The following TXNDC8 variants were observed in gnomAD, a reference collection of about 807,000 sequenced individuals.
TXNDC8 encodes thioredoxin domain containing 8, also known as thioredoxin domain-containing protein 8.
In TXNDC8, 15 loss-of-function variants were observed where a neutral mutation model predicts 12.9. The observed-to-expected ratio is 1.16, with a 90% CI of 0.78 to 1.79. The LOEUF is 1.79. TXNDC8 is among the 40% of genes most tolerant of loss of function. The pLI is 0.00. For synonymous variants in TXNDC8, 40 were observed against 35.4 expected (o/e 1.13, Z -0.46); for missense variants, 128 against 113.2 (o/e 1.13, Z -0.59).
At chr9:110,302,046 G>T (rs1838281217), downstream of TXNDC8, among the ~76,000 whole-genome samples, 1 of 151,946 alleles carries the variant, frequency 6.6e-6, no homozygotes, top group Non-Finnish European at 1.5e-5. Flanking sequence ...CTGGAGTGCA[G>T]TGGCATGATC....
intron 1 of TXNDC8, among the ~76,000 whole-genome samples, chr9:110,335,420 A>G (rs1271064738): frequency 6.6e-6 from 1 of 152,112 alleles, no homozygotes; most frequent in Admixed American, 6.5e-5. Flanking sequence ...TTCTTGATGA[A>G]TGAATGATTT....
intron 1 of TXNDC8, 71 bp from the exon 2 acceptor site, chr9:110,334,391 T>C: frequency 7.2e-7 from 1 of 1,380,796 alleles, no homozygotes; most frequent in Non-Finnish European, 1.0e-6. Flanking sequence ...GAGAAGAAGA[T>C]GACAGATTAG....
chr9:110,331,706 G>C (rs1433716145), intron 2 of TXNDC8, among the ~76,000 whole-genome samples: 1 of 152,108 alleles, frequency 6.6e-6, no homozygotes, highest in East Asian at 1.9e-4. Context: ...TCAGGTATTC[G>C]ATTCTCATAA....
chr9:110,326,335 A>T, intron 2 of TXNDC8, 95 bp from the exon 4 acceptor site: 1 of 1,271,510 alleles, frequency 7.9e-7, no homozygotes, highest in Non-Finnish European at 1.1e-6. Flanking sequence ...GGCGTGTCTG[A>T]AATTCCAAGG....
intron 3 of TXNDC8, among the ~76,000 whole-genome samples, chr9:110,313,028 C>G (rs888167872): frequency 1.3e-5 from 2 of 152,152 alleles, no homozygotes; most frequent in African/African-American, 4.8e-5. Flanking sequence ...GCCTCAGCCT[C>G]CCAAGTAGCT....
chr9:110,315,648 A>G (rs1041677459), intron 3 of TXNDC8, among the ~76,000 whole-genome samples: 1 of 151,968 alleles, frequency 6.6e-6, no homozygotes, highest in African/African-American at 2.4e-5. Flanking sequence ...CTGGGACTAC[A>G]GAATCCTGCT....
intron 3 of TXNDC8, chr9:110,323,773 T>A (rs1839199943): frequency 7.1e-7 from 1 of 1,414,096 alleles, no homozygotes; most frequent in Non-Finnish European, 9.5e-7. Flanking sequence ...TTCTTCTGTG[T>A]GGTAGATTCG....
At chr9:110,326,975 C>CACACACACACAT (rs3221231) in intron 2 of TXNDC8, among the ~76,000 whole-genome samples, 1 of 151,334 alleles carries the variant, frequency 6.6e-6, no homozygotes, top group Non-Finnish European at 1.5e-5. Context: ...CACACACACA[C>CACACACACACAT]GTGAAGACAT....
intron 3 of TXNDC8, among the ~76,000 whole-genome samples, chr9:110,318,760 G>T (rs1838981816): frequency 6.6e-6 from 1 of 151,914 alleles, no homozygotes; most frequent in Non-Finnish European, 1.5e-5. Flanking sequence ...ATTTTAAGGG[G>T]TAGCTGCCAA....
intron 3 of TXNDC8, chr9:110,323,152 T>C (rs1161365516): frequency 1.0e-6 from 1 of 985,158 alleles, no homozygotes; most frequent in African/African-American, 1.7e-5. Context: ...GGTGCTAAGT[T>C]GAGGGTGAGG....
At chr9:110,334,973 A>G (rs1839690071) in intron 1 of TXNDC8, among the ~76,000 whole-genome samples, 1 of 152,222 alleles carries the variant, frequency 6.6e-6, no homozygotes, top group Admixed American at 6.5e-5. Flanking sequence ...ATGTCAAGTG[A>G]ATTTCCCATC....
chr9:110,313,516 C>T lies in TXNDC8; in HGVS notation c.196-8984G>A, dbSNP rs558652763. Among the ~76,000 whole-genome samples, 12 of 152,158 alleles carry T rather than the reference C, an allele frequency of 7.9e-5. No homozygotes were observed. The East Asian group carries it at 9.7e-4, about 12-fold the overall frequency. ...AGGAGTTTGAGACCAGCCTGGCCAA[C>T]GTGGCAAAATCCTGTCTCTACTAAA... On this transcript the variant is annotated intron_variant, in intron 3 of 4. Coordinates refer to ENST00000423740, the MANE Select transcript of TXNDC8 (RefSeq NM_001286946.2).
At chr9:110,334,158 A>G (rs1460837004) in intron 2 of TXNDC8, 58 bp downstream of exon 2, 11 of 1,442,620 alleles carry the variant, frequency 7.6e-6, no homozygotes, top group African/African-American at 1.4e-5. Flanking sequence ...ACTGGGAAAA[A>G]TATTCTGGAA....
At chr9:110,321,573 C>T (rs1445039114) in intron 3 of TXNDC8, among the ~76,000 whole-genome samples, 1 of 152,102 alleles carries the variant, frequency 6.6e-6, no homozygotes, top group African/African-American at 2.4e-5. Context: ...CAGTACTTAA[C>T]TGCTTCAATA....
intron 2 of TXNDC8, among the ~76,000 whole-genome samples, chr9:110,328,237 T>C (rs985673254): frequency 9.2e-5 from 14 of 152,214 alleles, no homozygotes; most frequent in African/African-American, 3.4e-4. Flanking sequence ...ATAGACCACC[T>C]GTTGGTACCT....
rs1285068124 is a variant in TXNDC8, at chr9:110,305,783, CT to C, written c.196-1252del. On this transcript the variant is annotated intron_variant, in intron 3 of 4. Coordinates refer to ENST00000423740, the MANE Select transcript of TXNDC8 (RefSeq NM_001286946.2). ...CCTTCCCTTTCTTTTCTTTTCTTTT[CT>C]TTTCTTTCTTTTCTTTTCTTTTCTT... Among the ~76,000 whole-genome samples the C allele has an allele frequency of 3.5e-5, 3 of 85,326 alleles. No individual in the cohort carries two copies. The East Asian group carries it at 1.6e-3, about 45-fold the overall frequency. The allele number at this position is 85,326 out of a possible 152,430, so 56.0% of individuals were successfully genotyped here.
intron 2 of TXNDC8, 110 bp from the exon 4 acceptor site, chr9:110,326,350 C>G: frequency 2.0e-6 from 2 of 1,023,824 alleles, no homozygotes; most frequent in Non-Finnish European, 3.0e-6. Flanking sequence ...CCAAGGACAC[C>G]TGACACTTTA....
intron 2 of TXNDC8, 119 bp from the exon 4 acceptor site, chr9:110,326,359 TAC>T (rs1839318962): frequency 1.1e-6 from 1 of 874,004 alleles, no homozygotes; most frequent in Non-Finnish European, 1.9e-6. Flanking sequence ...CCTGACACTT[TAC>T]AGACTCTCCT....
intron 3 of TXNDC8, among the ~76,000 whole-genome samples, chr9:110,313,941 T>C (rs1026306297): frequency 2.0e-5 from 3 of 152,128 alleles, no homozygotes; most frequent in Non-Finnish European, 4.4e-5. Context: ...CAGAAACTCA[T>C]TTTCTTCTAA....
Sources: gnomAD v4.1 joint callset for allele counts (sites outside exome capture counted in the v4.1 genomes callset) on GRCh38, gnomAD v4.1.1 for gene constraint, MANE v1.5 for transcripts, NCBI Gene and HGNC (gene_info 2026-07-23, HGNC 2026-07-21) for gene names.